The following AP3B1 variants were observed in gnomAD, a reference collection of about 807,000 sequenced individuals.
The protein encoded by AP3B1 is adaptor related protein complex 3 subunit beta 1, also known as AP-3 complex subunit beta-1.
AP3B1 carries 61 observed loss-of-function variants against 132.5 expected under a neutral mutation model. The ratio of observed to expected loss-of-function variants is 0.46; its 90% CI spans 0.37 to 0.57. The LOEUF (loss-of-function observed/expected upper bound fraction) is 0.57, where lower values mean the gene tolerates loss of function less well. Among genes scored for constraint, AP3B1 ranks in the 20% least tolerant of loss-of-function variants. AP3B1 has a pLI of 0.00. For synonymous variants in AP3B1, 388 were observed against 438.3 expected (o/e 0.89, Z 1.43); for missense variants, 1,120 against 1,289.4 (o/e 0.87, Z 2.01).
chr5:78,031,233 G>A (rs1747563283), intron 24 of AP3B1, among the ~76,000 whole-genome samples: 1 of 152,088 alleles, frequency 6.6e-6, no homozygotes, highest in African/African-American at 2.4e-5. Flanking sequence ...CCTCTCCCCT[G>A]GGTGGGCTGA....
chr5:78,233,017 A>G (rs942324343), intron 3 of AP3B1, among the ~76,000 whole-genome samples: 1 of 151,786 alleles, frequency 6.6e-6, no homozygotes, highest in Non-Finnish European at 1.5e-5. Context: ...GCCTTCATCT[A>G]TGTTTTTCAA....
chr5:78,220,369 CA>C (rs2112482913), intron 6 of AP3B1, among the ~76,000 whole-genome samples: 1 of 149,438 alleles, frequency 6.7e-6, no homozygotes, highest in Non-Finnish European at 1.5e-5. Context: ...AACTTCAAAA[CA>C]GAGAATCTCT....
At chr5:78,122,518 G>A (rs1285584990) in intron 17 of AP3B1, among the ~76,000 whole-genome samples, 1 of 152,138 alleles carries the variant, frequency 6.6e-6, no homozygotes, top group Non-Finnish European at 1.5e-5. Context: ...CAAAATCAAT[G>A]TGCAAAAATC....
chr5:78,175,571 A>C, intron 11 of AP3B1, 55 bp downstream of exon 11: 1 of 1,392,610 alleles, frequency 7.2e-7, no homozygotes, highest in South Asian at 1.2e-5. Flanking sequence ...AGCTATAGAA[A>C]TATCTCTTCA....
chr5:78,189,546 C>T (rs910025527), intron 7 of AP3B1, among the ~76,000 whole-genome samples: 1 of 152,054 alleles, frequency 6.6e-6, no homozygotes, highest in Non-Finnish European at 1.5e-5. Flanking sequence ...GATGCAACTG[C>T]TTCCTATTGA....
At chr5:78,169,296 G>A (rs1743803035) in intron 11 of AP3B1, among the ~76,000 whole-genome samples, 1 of 151,952 alleles carries the variant, frequency 6.6e-6, no homozygotes. Flanking sequence ...CAATCAACCT[G>A]CCAACCAAGA....
chr5:78,024,391 G>A (rs1460181759), intron 24 of AP3B1, among the ~76,000 whole-genome samples: 1 of 151,774 alleles, frequency 6.6e-6, no homozygotes, highest in Non-Finnish European at 1.5e-5. Flanking sequence ...TTCCTTTTAA[G>A]GTTCTGTTTT....
chr5:78,045,688 C>G (rs570115626), intron 22 of AP3B1, among the ~76,000 whole-genome samples: 2 of 152,234 alleles, frequency 1.3e-5, no homozygotes, highest in African/African-American at 4.8e-5. Flanking sequence ...TGCTTATATT[C>G]TAAGATGCTC....
intron 1 of AP3B1, among the ~76,000 whole-genome samples, chr5:78,285,291 C>T (rs982744982): frequency 6.6e-6 from 1 of 151,960 alleles, no homozygotes; most frequent in Non-Finnish European, 1.5e-5. Flanking sequence ...CTTCTTCCTT[C>T]TCTCTTGAGC....
At chr5:78,292,845 T>C (rs894967106) in intron 1 of AP3B1, among the ~76,000 whole-genome samples, 2 of 152,124 alleles carry the variant, frequency 1.3e-5, no homozygotes, top group African/African-American at 2.4e-5. Flanking sequence ...GTTTTTTTTT[T>C]CCAAATCAGG....
chr5:78,118,960 C>A (rs1752007331), intron 17 of AP3B1, among the ~76,000 whole-genome samples: 1 of 152,214 alleles, frequency 6.6e-6, no homozygotes, highest in African/African-American at 2.4e-5. Context: ...CGGCCGGGTA[C>A]TCCCCTGAGA....
intron 24 of AP3B1, among the ~76,000 whole-genome samples, chr5:78,023,128 C>T (rs1265466673): frequency 6.6e-6 from 1 of 152,202 alleles, no homozygotes. Flanking sequence ...AGAAACTTCA[C>T]ACCTTCTAAT....
chr5:78,195,590 A>T (rs1014848243), intron 7 of AP3B1, among the ~76,000 whole-genome samples: 1 of 152,132 alleles, frequency 6.6e-6, no homozygotes, highest in Non-Finnish European at 1.5e-5. Flanking sequence ...GAAGCTGAGG[A>T]GGGCAGATCA....
intron 22 of AP3B1, among the ~76,000 whole-genome samples, chr5:78,062,650 G>A (rs1349628924): frequency 6.6e-6 from 1 of 152,200 alleles, no homozygotes; most frequent in Non-Finnish European, 1.5e-5. Context: ...GGACACACTT[G>A]AGAGCCAGCA....
intron 26 of AP3B1, among the ~76,000 whole-genome samples, chr5:78,009,934 A>T (rs1394942767): frequency 6.6e-6 from 1 of 152,202 alleles, no homozygotes; most frequent in Non-Finnish European, 1.5e-5. Flanking sequence ...TTTTCTCCTC[A>T]GAGGGTTAAT....
intron 7 of AP3B1, among the ~76,000 whole-genome samples, chr5:78,199,348 G>T (rs1023363608): frequency 1.3e-5 from 2 of 152,076 alleles, no homozygotes; most frequent in Admixed American, 6.5e-5. Context: ...TTGAACTTAG[G>T]TCTAAGGGTT....
chr5:78,218,792 T>C (rs759333321), intron 6 of AP3B1, among the ~76,000 whole-genome samples: 3 of 152,156 alleles, frequency 2.0e-5, no homozygotes, highest in Non-Finnish European at 4.4e-5. Context: ...ATTGATAATA[T>C]GGTATAAGTT....
chr5:78,075,890 T>C (rs1264789031), intron 22 of AP3B1, among the ~76,000 whole-genome samples: 1 of 152,204 alleles, frequency 6.6e-6, no homozygotes. Flanking sequence ...AAAGTGATGG[T>C]CCTCAATGGT....
intron 22 of AP3B1, among the ~76,000 whole-genome samples, chr5:78,079,138 A>T (rs1434815057): frequency 2.6e-5 from 4 of 152,224 alleles, no homozygotes; most frequent in African/African-American, 9.6e-5. Flanking sequence ...ATGTTAGAAT[A>T]CTGTCAATTC....
Sources: allele counts gnomAD v4.1 joint callset (sites outside exome capture counted in the v4.1 genomes callset), GRCh38; gene constraint gnomAD v4.1.1; transcripts MANE v1.5; gene names NCBI Gene and HGNC (gene_info 2026-07-23, HGNC 2026-07-21).